Variants in ESR1 observed in about 807,000 individuals in gnomAD.
ESR1 encodes the protein estrogen receptor 1.
A neutral mutation model predicts 52.7 loss-of-function variants in ESR1; 12 were observed. That is an observed-to-expected ratio of 0.23 (90% confidence interval 0.15 to 0.37). The LOEUF is 0.37. Among genes scored for constraint, ESR1 ranks in the 10% least tolerant of loss-of-function variants. The pLI is 1.00. For missense variants in ESR1, 584 were observed against 779.7 expected, an observed-to-expected ratio of 0.75 and a Z score of 2.99; for synonymous variants, 305 against 316.8, an observed-to-expected ratio of 0.96 and a Z score of 0.39.
intron 1 of ESR1, among the ~76,000 whole-genome samples, chr6:151,829,301 C>T (rs1003057888): frequency 2.0e-5 from 3 of 152,180 alleles, no homozygotes; most frequent in Non-Finnish European, 4.4e-5. Flanking sequence ...TGATAGTGTT[C>T]GTTGAACAAA....
At chr6:151,984,469 AAATCAATAGT>A (rs1316031184) in intron 4 of ESR1, among the ~76,000 whole-genome samples, 1 of 152,148 alleles carries the variant, frequency 6.6e-6, no homozygotes, top group East Asian at 1.9e-4. Flanking sequence ...AGTTAGGCTA[AAATCAATAGT>A]AATGGCACTC....
upstream of ESR1, among the ~76,000 whole-genome samples, chr6:151,690,205 AATG>A (rs2115337595): frequency 6.6e-6 from 1 of 152,304 alleles, no homozygotes; most frequent in African/African-American, 2.4e-5. Context: ...TTATGTGCTG[AATG>A]ATGTTTTATT....
intron 1 of ESR1, among the ~76,000 whole-genome samples, chr6:151,693,013 A>G (rs1779063789): frequency 6.6e-6 from 1 of 152,190 alleles, no homozygotes; most frequent in Non-Finnish European, 1.5e-5. Flanking sequence ...TACCAGCCAT[A>G]GCTCCCACCA....
At chr6:151,666,121 C>A (rs921757821) in intron 1 of ESR1, among the ~76,000 whole-genome samples, 5 of 152,118 alleles carry the variant, frequency 3.3e-5, no homozygotes, top group Non-Finnish European at 7.3e-5. Context: ...AAGTAACTGG[C>A]ATTCTGAAAT....
chr6:151,935,234 G>C (rs911761378), intron 3 of ESR1, among the ~76,000 whole-genome samples: 4 of 152,158 alleles, frequency 2.6e-5, no homozygotes, highest in African/African-American at 9.7e-5. Context: ...TATTATTACT[G>C]ATTGCAAGCA....
At chr6:151,889,749 T>C (rs1794424558) in intron 3 of ESR1, among the ~76,000 whole-genome samples, 1 of 152,184 alleles carries the variant, frequency 6.6e-6, no homozygotes, top group Non-Finnish European at 1.5e-5. Flanking sequence ...TAACATTAGA[T>C]TGTTTGAGAT....
chr6:151,899,119 C>T (rs1464833684), intron 3 of ESR1, among the ~76,000 whole-genome samples: 72 of 119,794 alleles, frequency 6.0e-4, no homozygotes, highest in African/African-American at 1.4e-3. Flanking sequence ...GCTGGCCGGG[C>T]GGGGGGCTGA....
At chr6:151,795,699 T>C (rs1216728741) in intron 2 of ESR1, among the ~76,000 whole-genome samples, 1 of 152,124 alleles carries the variant, frequency 6.6e-6, no homozygotes, top group African/African-American at 2.4e-5. Flanking sequence ...ACCGCACATA[T>C]TTACTCATGT....
intron 4 of ESR1, among the ~76,000 whole-genome samples, chr6:151,966,095 A>C (rs1375949889): frequency 6.6e-6 from 1 of 152,108 alleles, no homozygotes; most frequent in African/African-American, 2.4e-5. Context: ...ATCGATATGT[A>C]CTGTCTGAAC....
At chr6:152,076,566 GAC>G (rs2048750603) in intron 6 of ESR1, among the ~76,000 whole-genome samples, 1 of 152,200 alleles carries the variant, frequency 6.6e-6, no homozygotes, top group African/African-American at 2.4e-5. Context: ...GCTCAAAAAA[GAC>G]AGGAAAATGT....
chr6:152,115,452 T>G (rs963789426), intron 6 of ESR1, among the ~76,000 whole-genome samples: 1 of 152,066 alleles, frequency 6.6e-6, no homozygotes, highest in Non-Finnish European at 1.5e-5. Flanking sequence ...TTCATACTAA[T>G]GACAAAAATA....
At chr6:152,112,947 A>T (rs1212692426) in intron 6 of ESR1, 2 of 152,336 alleles carry the variant, frequency 1.3e-5, no homozygotes, top group African/African-American at 4.8e-5. Flanking sequence ...TCATGGATGG[A>T]TGTCACGAAC....
At chr6:151,677,494 C>A (rs1778291842) in intron 1 of ESR1, among the ~76,000 whole-genome samples, 1 of 152,124 alleles carries the variant, frequency 6.6e-6, no homozygotes, top group South Asian at 2.1e-4. Flanking sequence ...CTTAGGGTGT[C>A]CGGTTTTTCT....
rs776542572 is a variant in ESR1, at chr6:152,098,713, T to C, written c.1554-19T>C. On this transcript the variant is annotated intron_variant, in intron 7 of 7. Transcript: ENST00000206249. The surrounding 1 kb of genome is among the most constrained non-coding windows in gnomAD (Gnocchi z 5.1). ...GGGTTGGCTCTAAAGTAGTCCTTTC[T>C]GTGTCTTCCCACCTACAGTAACAAA... 2 of 1,608,110 alleles carry C rather than the reference T, an allele frequency of 1.2e-6. No individual in the cohort carries two copies. Among genetic ancestry groups the C allele is most frequent in the East Asian group, 4.5e-5 (2 of 44,824 alleles).
At chr6:151,781,439 C>T (rs1786532603) in intron 2 of ESR1, among the ~76,000 whole-genome samples, 1 of 152,204 alleles carries the variant, frequency 6.6e-6, no homozygotes, top group African/African-American at 2.4e-5. Flanking sequence ...ACAGGCACCA[C>T]CTTTTAATAC....
chr6:152,010,051 T>C (rs1330454664), intron 4 of ESR1, among the ~76,000 whole-genome samples: 1 of 152,130 alleles, frequency 6.6e-6, no homozygotes, highest in African/African-American at 2.4e-5. Flanking sequence ...GAGAAAATTA[T>C]AGCTACCTCA....
chr6:151,992,639 T>C (rs2041130249), intron 4 of ESR1, among the ~76,000 whole-genome samples: 1 of 152,042 alleles, frequency 6.6e-6, no homozygotes, highest in South Asian at 2.1e-4. Flanking sequence ...ATTTGGAAGA[T>C]GAGGTTGGCA....
chr6:151,877,240 T>G (rs1027927736), intron 2 of ESR1, among the ~76,000 whole-genome samples: 35 of 152,150 alleles, frequency 2.3e-4, no homozygotes, highest in Admixed American at 1.7e-3. Flanking sequence ...TAGGTATATC[T>G]CCCGATGCTA....
chr6:152,072,074 C>T (rs1404344344), intron 6 of ESR1, among the ~76,000 whole-genome samples: 2 of 142,620 alleles, frequency 1.4e-5, no homozygotes, highest in East Asian at 2.3e-4. Context: ...GGAGGGTAGA[C>T]GGCTTCCCCG....
Sources: gnomAD v4.1 joint callset for allele counts (sites outside exome capture counted in the v4.1 genomes callset) on GRCh38, gnomAD v4.1.1 for gene constraint, Gnocchi (gnomAD v3.1) non-coding constraint, MANE v1.5 for transcripts, NCBI Gene and HGNC (gene_info 2026-07-23, HGNC 2026-07-21) for gene names.